Variants in SERP2 observed in about 807,000 individuals in gnomAD.
SERP2 encodes stress associated endoplasmic reticulum protein family member 2, also known as stress-associated endoplasmic reticulum protein 2.
A neutral mutation model predicts 9.1 loss-of-function variants in SERP2; 6 were observed. The ratio of observed to expected loss-of-function variants is 0.66; its 90% CI spans 0.36 to 1.30. SERP2 has a LOEUF of 1.30. Among genes scored for constraint, SERP2 ranks in the 50% most tolerant of loss-of-function variants. SERP2 has a pLI of 0.03. For missense variants in SERP2, 58 were observed against 81.9 expected, an observed-to-expected ratio of 0.71 and a Z score of 1.13; for synonymous variants, 37 against 27.3, an observed-to-expected ratio of 1.35 and a Z score of -1.10.
Position 44,397,501 on chromosome 13 carries a change from C to T in SERP2, c.*189C>T, listed in dbSNP as rs1873187953. Reference sequence around the variant, plus strand: ...TTCTCACAGGACATCTTGGTGCATCCGCGTTCTCAAGCGGAAAGGACATTT... The same window carrying T: ...TTCTCACAGGACATCTTGGTGCATCTGCGTTCTCAAGCGGAAAGGACATTT... On this transcript the variant is annotated 3_prime_UTR_variant, in exon 3 of 3. Coordinates refer to ENST00000379179, the MANE Select transcript of SERP2 (RefSeq NM_001010897.3). The T allele has an allele frequency of 5.8e-5, 35 of 600,822 alleles. 1 individual carries two copies. In the South Asian group the frequency reaches 6.9e-4, roughly 12 times the overall value. 37.2% of individuals were successfully genotyped at this position (600,822 alleles called of 1,614,324 possible).
chr13:44,397,093 T>C (rs1323069867), intron 2 of SERP2, among the ~76,000 whole-genome samples, 179 bp from the exon 3 acceptor site: 1 of 152,186 alleles, frequency 6.6e-6, no homozygotes, highest in Non-Finnish European at 1.5e-5. Flanking sequence ...TGAGCGAGGC[T>C]GCCTTTTTAA....
intron 2 of SERP2, among the ~76,000 whole-genome samples, chr13:44,394,033 T>G (rs1872940069): frequency 6.6e-6 from 1 of 152,250 alleles, no homozygotes. Flanking sequence ...TCAGGAATGA[T>G]CCTCAGTTTT....
intron 2 of SERP2, chr13:44,390,655 T>A (rs983003956): frequency 5.1e-5 from 10 of 196,626 alleles, no homozygotes; most frequent in Middle Eastern, 1.7e-3. Flanking sequence ...ATCTTTCTGT[T>A]ATTTTAATGC....
intron 1 of SERP2, among the ~76,000 whole-genome samples, chr13:44,375,040 T>A (rs1455708049): frequency 6.6e-6 from 1 of 152,106 alleles, no homozygotes; most frequent in African/African-American, 2.4e-5. Flanking sequence ...ACTTTGGACA[T>A]TCAGAGGCAT....
At chr13:44,388,809 T>C (rs1480483859) in intron 2 of SERP2, among the ~76,000 whole-genome samples, 2 of 152,168 alleles carry the variant, frequency 1.3e-5, no homozygotes, top group African/African-American at 4.8e-5. Flanking sequence ...CAGCCTTGTG[T>C]TTTGGATGGT....
chr13:44,379,466 T>C (rs1871837961), intron 1 of SERP2, among the ~76,000 whole-genome samples, 175 bp from the exon 2 acceptor site: 1 of 152,256 alleles, frequency 6.6e-6, no homozygotes. Flanking sequence ...TTTACAAACC[T>C]GTCTCAATCC....
chr13:44,383,580 G>A lies in SERP2; in HGVS notation c.157+3867G>A, dbSNP rs551935263. Among the ~76,000 whole-genome samples, 182 of 123,670 alleles carry A rather than the reference G, an allele frequency of 1.5e-3. 1 individual carries two copies. Among genetic ancestry groups the A allele is most frequent in the Middle Eastern group, 0.011 (2 of 176 alleles). 81.1% of individuals were successfully genotyped at this position (123,670 alleles called of 152,430 possible). The stretch of plus-strand genomic sequence containing the variant: ...TTTTTTTTTTTTGAGACAGAGTCTC[G>A]TTCTATTGACAGGCTGGAGTGCAGT... On this transcript the variant is annotated intron_variant, in intron 2 of 2. Transcript: ENST00000379179.
chr13:44,378,767 GACCAAGCCCT>G (rs1200176289), intron 1 of SERP2, among the ~76,000 whole-genome samples: 2 of 152,066 alleles, frequency 1.3e-5, no homozygotes, highest in Non-Finnish European at 2.9e-5. Context: ...TGGGTTTAAG[GACCAAGCCCT>G]ACCTGCACAT....
intron 2 of SERP2, among the ~76,000 whole-genome samples, chr13:44,381,076 T>A (rs910321232): frequency 9.9e-5 from 15 of 152,018 alleles, no homozygotes; most frequent in Non-Finnish European, 2.2e-4. Context: ...ATCTGCTCAA[T>A]GACTTTCTTA....
Position 44,373,945 on chromosome 13 carries a change from G to A in SERP2, c.-81G>A, listed in dbSNP as rs112020926. 1.3e-5 allele frequency: 17 copies of A among 1,353,584 alleles called. No individual in the cohort carries two copies. The highest frequency in any genetic ancestry group is 1.7e-5 in the Non-Finnish European group (17 of 984,806). The allele number at this position is 1,353,584 out of a possible 1,614,324, so 83.8% of individuals were successfully genotyped here. ...CGCCCGGGTGGGCCGCGGGGGCCTC[G>A]GCGGGACGCGCTCGGCCCTGTCGCA... On this transcript the variant is annotated 5_prime_UTR_variant, in exon 1 of 3. Coordinates refer to ENST00000379179, the MANE Select transcript of SERP2 (RefSeq NM_001010897.3). This position sits in a 1 kb window ranked among gnomAD's most constrained non-coding sequence, Gnocchi z 4.8.
chr13:44,396,780 G>C (rs1171161331), intron 2 of SERP2, among the ~76,000 whole-genome samples: 1 of 152,240 alleles, frequency 6.6e-6, no homozygotes, highest in South Asian at 2.1e-4. Context: ...AGATACTCAC[G>C]CATGGAGGGT....
chr13:44,394,657 T>C (rs1275524361), intron 2 of SERP2, among the ~76,000 whole-genome samples: 4 of 152,248 alleles, frequency 2.6e-5, no homozygotes, highest in African/African-American at 9.6e-5. Flanking sequence ...ATCGTATTTA[T>C]TCCTTGCCAT....
At chr13:44,378,767 G>A (rs1372913073) in intron 1 of SERP2, among the ~76,000 whole-genome samples, 1 of 152,066 alleles carries the variant, frequency 6.6e-6, no homozygotes, top group African/African-American at 2.4e-5. Context: ...TGGGTTTAAG[G>A]ACCAAGCCCT....
intron 2 of SERP2, among the ~76,000 whole-genome samples, chr13:44,384,454 A>G (rs921188913): frequency 6.6e-6 from 1 of 152,148 alleles, no homozygotes; most frequent in Non-Finnish European, 1.5e-5. Flanking sequence ...TGAAGCTCTC[A>G]TCGGTGGTCT....
At chr13:44,373,821 AT>A (rs1218805922), upstream of SERP2, 38 of 522,538 alleles carry the variant, frequency 7.3e-5, no homozygotes, top group Non-Finnish European at 1.2e-4. This position sits in a 1 kb window ranked among gnomAD's most constrained non-coding sequence, Gnocchi z 4.8. Flanking sequence ...GAGATGAGAG[AT>A]TACTTCCGTC....
chr13:44,392,691 G>A (rs777455963), intron 2 of SERP2, among the ~76,000 whole-genome samples: 4 of 152,250 alleles, frequency 2.6e-5, no homozygotes, highest in Middle Eastern at 3.4e-3. Flanking sequence ...AGTGGGACGA[G>A]ATCATGAGAA....
chr13:44,379,574 A>G, intron 1 of SERP2, 67 bp from the exon 2 acceptor site: 1 of 1,205,176 alleles, frequency 8.3e-7, no homozygotes, highest in Non-Finnish European at 1.2e-6. Context: ...CACAATGCCT[A>G]GTGATACTCA....
At chr13:44,377,548 G>A (rs1049684286) in intron 1 of SERP2, among the ~76,000 whole-genome samples, 8 of 152,172 alleles carry the variant, frequency 5.3e-5, no homozygotes, top group Non-Finnish European at 1.0e-4. Context: ...TCTTGTCCTC[G>A]TCTGATTAAG....
intron 2 of SERP2, among the ~76,000 whole-genome samples, chr13:44,384,103 A>G (rs886944715): frequency 6.6e-6 from 1 of 151,736 alleles, no homozygotes; most frequent in Admixed American, 6.6e-5. Context: ...CAAGTCGGGC[A>G]CTGTTCTCAC....
Sources: allele counts gnomAD v4.1 joint callset (sites outside exome capture counted in the v4.1 genomes callset), GRCh38; gene constraint gnomAD v4.1.1; non-coding constraint Gnocchi (gnomAD v3.1); transcripts MANE v1.5; gene names NCBI Gene and HGNC (gene_info 2026-07-23, HGNC 2026-07-21).